PRKD1: variants seen among roughly 807,000 people sequenced by gnomAD.
PRKD1 encodes protein kinase D1.
A neutral mutation model predicts 95.9 loss-of-function variants in PRKD1; 63 were observed. The observed-to-expected ratio is 0.66, with a 90% CI of 0.54 to 0.81. The LOEUF (loss-of-function observed/expected upper bound fraction) is 0.81, where lower values mean the gene tolerates loss of function less well. PRKD1 is among the 30% of genes least tolerant of loss of function. The probability of loss-of-function intolerance (pLI) is 0.00; values close to 1 mark genes in which losing one functional copy is unlikely to be tolerated. For synonymous variants in PRKD1, 425 were observed against 423.1 expected, an observed-to-expected ratio of 1.00 and a Z score of -0.05; for missense variants, 1,048 against 1,165.3, an observed-to-expected ratio of 0.90 and a Z score of 1.47.
intron 4 of PRKD1, among the ~76,000 whole-genome samples, chr14:29,649,158 T>C (rs1881328729): frequency 6.6e-6 from 1 of 152,234 alleles, no homozygotes; most frequent in Non-Finnish European, 1.5e-5. Flanking sequence ...AGACTTGAGA[T>C]GGCCTGCCTG....
chr14:29,638,357 G>A, intron 6 of PRKD1, 132 bp downstream of exon 6: 1 of 811,928 alleles, frequency 1.2e-6, no homozygotes. Flanking sequence ...AACAAACACT[G>A]GCCATAATTT....
At chr14:29,716,025 C>A (rs1885591182) in intron 2 of PRKD1, among the ~76,000 whole-genome samples, 1 of 152,102 alleles carries the variant, frequency 6.6e-6, no homozygotes, top group South Asian at 2.1e-4. Flanking sequence ...TAAATTAGAC[C>A]AGACCGTTAA....
At chr14:29,623,182 A>G (rs899285199) in intron 13 of PRKD1, among the ~76,000 whole-genome samples, 2 of 152,206 alleles carry the variant, frequency 1.3e-5, no homozygotes. Flanking sequence ...TTAGTTGTCC[A>G]GAGACACAAA....
chr14:29,875,918 C>T (rs990359186), intron 1 of PRKD1, among the ~76,000 whole-genome samples: 1 of 152,168 alleles, frequency 6.6e-6, no homozygotes, highest in Non-Finnish European at 1.5e-5. Flanking sequence ...CATTCCCTCC[C>T]ACCTCTCTTT....
intron 1 of PRKD1, among the ~76,000 whole-genome samples, chr14:29,727,939 T>A (rs975408057): frequency 6.0e-5 from 9 of 150,532 alleles, no homozygotes; most frequent in African/African-American, 2.2e-4. Context: ...ATATTCTCAC[T>A]CATAGGTGGG....
At chr14:29,597,095 A>C (rs1893334289) in intron 16 of PRKD1, among the ~76,000 whole-genome samples, 1 of 152,180 alleles carries the variant, frequency 6.6e-6, no homozygotes, top group African/African-American at 2.4e-5. Context: ...TGGTATACTA[A>C]CATATGTTAT....
At chr14:29,639,529 G>C (rs1229302540) in intron 4 of PRKD1, among the ~76,000 whole-genome samples, 2 of 152,024 alleles carry the variant, frequency 1.3e-5, no homozygotes, top group Non-Finnish European at 2.9e-5. Context: ...TGAAGCAGGA[G>C]AATTGCTTGA....
At chr14:29,672,423 G>A (rs1017106261) in intron 2 of PRKD1, among the ~76,000 whole-genome samples, 2 of 151,930 alleles carry the variant, frequency 1.3e-5, no homozygotes, top group African/African-American at 4.8e-5. Context: ...AATACTACTT[G>A]AAACAATATT....
rs1421776403 is a variant in PRKD1 at position 29,644,457 on chromosome 14, C to G, written c.697-5553G>C. 2.0e-5 allele frequency among the ~76,000 whole-genome samples: 3 copies of G among 152,134 alleles called. No individual in the cohort carries two copies. In the East Asian group the frequency reaches 5.8e-4, roughly 29 times the overall value. On this transcript the variant is annotated intron_variant, in intron 4 of 17. Coordinates refer to ENST00000331968, the MANE Select transcript of PRKD1 (RefSeq NM_002742.3). ...GACAGCGTCACTGTAAAACAGATAG[C>G]TACAGCTCAATTAGTTCTAACAGCT...
chr14:29,841,898 TTC>T (rs951599598), intron 1 of PRKD1, among the ~76,000 whole-genome samples: 2 of 151,966 alleles, frequency 1.3e-5, no homozygotes, highest in Admixed American at 6.5e-5. Flanking sequence ...AAAAAAAATT[TTC>T]TTTTTTTATA....
At chr14:29,790,547 A>G (rs1469307968) in intron 1 of PRKD1, among the ~76,000 whole-genome samples, 1 of 152,142 alleles carries the variant, frequency 6.6e-6, no homozygotes, top group Non-Finnish European at 1.5e-5. Flanking sequence ...GGCTTAACCT[A>G]TCTACAACAT....
At chr14:29,661,268 A>G (rs1170929155) in intron 4 of PRKD1, among the ~76,000 whole-genome samples, 1 of 152,214 alleles carries the variant, frequency 6.6e-6, no homozygotes, top group Admixed American at 6.5e-5. Flanking sequence ...TGCAAAATAA[A>G]TGGTCTAGTG....
At chr14:29,825,423 C>G (rs1891071745) in intron 1 of PRKD1, among the ~76,000 whole-genome samples, 1 of 151,876 alleles carries the variant, frequency 6.6e-6, no homozygotes, top group Admixed American at 6.6e-5. Flanking sequence ...TACATGTATG[C>G]ATTTGTGTGT....
At chr14:29,798,521 C>T (rs1166309506) in intron 1 of PRKD1, among the ~76,000 whole-genome samples, 1 of 152,180 alleles carries the variant, frequency 6.6e-6, no homozygotes, top group Non-Finnish European at 1.5e-5. Context: ...AGTCTTCTGA[C>T]TACCTAATAT....
At chr14:29,911,785 A>C (rs1894722829) in intron 1 of PRKD1, among the ~76,000 whole-genome samples, 1 of 152,204 alleles carries the variant, frequency 6.6e-6, no homozygotes, top group Non-Finnish European at 1.5e-5. Flanking sequence ...TCAGAAGTCC[A>C]AACCAGTTTT....
intron 4 of PRKD1, among the ~76,000 whole-genome samples, chr14:29,648,487 C>T (rs921030733): frequency 6.6e-6 from 1 of 152,034 alleles, no homozygotes; most frequent in Non-Finnish European, 1.5e-5. Context: ...TTATTAGAGT[C>T]TTTAAATTAT....
intron 1 of PRKD1, among the ~76,000 whole-genome samples, chr14:29,786,105 C>T (rs1263957374): frequency 6.6e-6 from 1 of 152,032 alleles, no homozygotes; most frequent in Non-Finnish European, 1.5e-5. Flanking sequence ...GAGATGATTG[C>T]ATAATTTTTG....
At chr14:29,923,296 G>A (rs1895189167) in intron 1 of PRKD1, among the ~76,000 whole-genome samples, 1 of 149,802 alleles carries the variant, frequency 6.7e-6, no homozygotes, top group Non-Finnish European at 1.5e-5. Flanking sequence ...TCAGAAATCA[G>A]TAGACATATA....
chr14:29,831,994 T>C (rs1318742081), intron 1 of PRKD1, among the ~76,000 whole-genome samples: 1 of 152,206 alleles, frequency 6.6e-6, no homozygotes, highest in Non-Finnish European at 1.5e-5. Context: ...TAACATACCA[T>C]ATTATTATTT....
Sources: gnomAD v4.1 joint callset for allele counts (sites outside exome capture counted in the v4.1 genomes callset) on GRCh38, gnomAD v4.1.1 for gene constraint, MANE v1.5 for transcripts, NCBI Gene and HGNC (gene_info 2026-07-23, HGNC 2026-07-21) for gene names.